Variants in TMTC2 observed in about 807,000 individuals in gnomAD.
TMTC2 encodes the protein transmembrane O-mannosyltransferase targeting cadherins 2.
A neutral mutation model predicts 82.4 loss-of-function variants in TMTC2; 43 were observed. The observed-to-expected ratio is 0.52, with a 90% CI of 0.41 to 0.67. The LOEUF is 0.67. TMTC2 is among the 30% of genes least tolerant of loss of function. TMTC2 has a pLI of 0.00. For synonymous variants in TMTC2, 408 were observed against 381.9 expected, an observed-to-expected ratio of 1.07 and a Z score of -0.80; for missense variants, 919 against 1,012.4, an observed-to-expected ratio of 0.91 and a Z score of 1.25.
At chr12:82,985,748 T>C (rs1481709633) in intron 7 of TMTC2, among the ~76,000 whole-genome samples, 177 bp from the exon 8 acceptor site, 1 of 152,200 alleles carries the variant, frequency 6.6e-6, no homozygotes, top group East Asian at 1.9e-4. Flanking sequence ...TGATTTTTCA[T>C]CTGTAAAATG....
intron 4 of TMTC2, among the ~76,000 whole-genome samples, chr12:82,936,643 C>T (rs543737170): frequency 2.6e-5 from 4 of 152,044 alleles, no homozygotes; most frequent in Non-Finnish European, 5.9e-5. Context: ...AAAAAAATAT[C>T]ATCTCTAGAA....
chr12:82,819,487 T>TTCTC (rs1868950845), intron 1 of TMTC2, among the ~76,000 whole-genome samples: 2 of 149,200 alleles, frequency 1.3e-5, no homozygotes, highest in African/African-American at 5.0e-5. Flanking sequence ...TACTTTTTCT[T>TTCTC]TCTCTCTTTC....
At chr12:82,778,714 T>C (rs1877725203) in intron 1 of TMTC2, among the ~76,000 whole-genome samples, 1 of 150,748 alleles carries the variant, frequency 6.6e-6, no homozygotes, top group Non-Finnish European at 1.5e-5. Flanking sequence ...CCGGGCGTAG[T>C]GGCGGGCGCC....
intron 8 of TMTC2, among the ~76,000 whole-genome samples, chr12:82,988,717 A>C (rs1879277405): frequency 6.6e-6 from 1 of 151,356 alleles, no homozygotes; most frequent in Non-Finnish European, 1.5e-5. Flanking sequence ...TTTTGCTTAC[A>C]CCTTACCTCT....
chr12:82,686,912 C>T lies in TMTC2; in HGVS notation c.-675C>T, dbSNP rs931063699. Reference sequence around the variant, plus strand: ...AGGCGCGGGGGGCCGCGTCGAGAACCCCACGCGGGAGCTTCTGGAGTCTCC... The same window carrying T: ...AGGCGCGGGGGGCCGCGTCGAGAACTCCACGCGGGAGCTTCTGGAGTCTCC... On this transcript the variant is annotated 5_prime_UTR_variant, in exon 1 of 12. Coordinates refer to ENST00000321196, the MANE Select transcript of TMTC2 (RefSeq NM_152588.3). 3.3e-5 allele frequency: 5 copies of T among 153,570 alleles called. No individual in the cohort carries two copies. Among genetic ancestry groups the T allele is most frequent in the Non-Finnish European group, 7.3e-5 (5 of 68,520 alleles). 9.5% of individuals were successfully genotyped at this position (153,570 alleles called of 1,614,324 possible). A position where few individuals can be genotyped will look rare whatever the true frequency, so the allele number is the denominator to read the frequency against.
intron 1 of TMTC2, among the ~76,000 whole-genome samples, chr12:82,792,108 T>G (rs1878498716): frequency 6.6e-6 from 1 of 150,706 alleles, no homozygotes; most frequent in South Asian, 2.1e-4. Flanking sequence ...CAGCCTTGAG[T>G]TAAAATCTGT....
At chr12:83,107,486 A>G (rs1884447839) in intron 11 of TMTC2, among the ~76,000 whole-genome samples, 1 of 152,192 alleles carries the variant, frequency 6.6e-6, no homozygotes, top group African/African-American at 2.4e-5. Context: ...TTAAAAAGCC[A>G]TTAATCCCCT....
At chr12:82,722,396 T>TAA (rs1459480029) in intron 1 of TMTC2, among the ~76,000 whole-genome samples, 34 of 16,252 alleles carry the variant, frequency 2.1e-3, no homozygotes, top group African/African-American at 7.7e-3. Flanking sequence ...CTACTAAAAA[T>TAA]ACAAAAAAAA....
intron 1 of TMTC2, among the ~76,000 whole-genome samples, chr12:82,718,673 A>C (rs1195986774): frequency 3.3e-5 from 5 of 152,194 alleles, no homozygotes; most frequent in African/African-American, 7.2e-5. Context: ...TTTGCCTGCT[A>C]AGAATGAGCA....
chr12:83,033,780 C>A (rs1235128694), intron 9 of TMTC2, among the ~76,000 whole-genome samples: 4 of 145,212 alleles, frequency 2.8e-5, no homozygotes, highest in South Asian at 4.3e-4. Flanking sequence ...AACAAAAAAA[C>A]CATATAAATA....
In TMTC2 at chr12:82,965,690, T is replaced by C. The variant is rs1878167947; in HGVS notation, c.1815T>C (p.Val605=). Residue 605 remains valine (V), a synonymous_variant, in exon 6 of 12, where the codon GTT becomes GTC. Transcript: ENST00000321196. ...ACCCTCATGCACACAAGAGCTCTGT[T>C]ACCAGTTGTTTGTACAACCTAGGAA... ...LKDPHAHKSS[V]TSCLYNLGKL... 6.2e-7 allele frequency: 1 copy of C among 1,613,774 alleles called. No individual in the cohort carries two copies. Among genetic ancestry groups the C allele is most frequent in the South Asian group, 1.1e-5 (1 of 91,084 alleles).
At chr12:83,084,899 A>T (rs1028136035) in intron 11 of TMTC2, among the ~76,000 whole-genome samples, 6 of 152,216 alleles carry the variant, frequency 3.9e-5, no homozygotes, top group Non-Finnish European at 7.3e-5. Context: ...TGGAGGAATA[A>T]TTTTAAAGAT....
chr12:83,012,824 CAG>C (rs1477694067), intron 8 of TMTC2, among the ~76,000 whole-genome samples: 1 of 152,110 alleles, frequency 6.6e-6, no homozygotes, highest in Non-Finnish European at 1.5e-5. Context: ...ACAGGTATAA[CAG>C]AATACAGATA....
chr12:82,856,269 A>G (rs1374357096), intron 1 of TMTC2, among the ~76,000 whole-genome samples: 1 of 152,244 alleles, frequency 6.6e-6, no homozygotes, highest in African/African-American at 2.4e-5. Context: ...AGCACCATGA[A>G]GATTTCTATA....
intron 7 of TMTC2, among the ~76,000 whole-genome samples, chr12:82,984,002 G>A (rs1486985275): frequency 6.6e-6 from 1 of 151,764 alleles, no homozygotes; most frequent in Non-Finnish European, 1.5e-5. Flanking sequence ...CAGCATGTTA[G>A]TTTTTATAGA....
intron 1 of TMTC2, among the ~76,000 whole-genome samples, chr12:82,835,264 A>G (rs928669982): frequency 7.9e-5 from 12 of 152,232 alleles, no homozygotes; most frequent in African/African-American, 2.7e-4. Context: ...CTTTAAGGGT[A>G]TAATATCTAA....
chr12:82,967,573 A>G (rs561735414), intron 7 of TMTC2, among the ~76,000 whole-genome samples: 6 of 152,176 alleles, frequency 3.9e-5, no homozygotes, highest in African/African-American at 7.2e-5. Context: ...TAAAATATCT[A>G]TCATCTGTGA....
chr12:82,718,415 T>A (rs1429243028), intron 1 of TMTC2, among the ~76,000 whole-genome samples: 1 of 152,176 alleles, frequency 6.6e-6, no homozygotes, highest in East Asian at 1.9e-4. Flanking sequence ...CCGTTGTAAA[T>A]CCAGGCAGGG....
chr12:83,131,654 G>C (rs1885258973), intron 11 of TMTC2, among the ~76,000 whole-genome samples: 1 of 152,094 alleles, frequency 6.6e-6, no homozygotes, highest in Non-Finnish European at 1.5e-5. Flanking sequence ...GAACAACTCA[G>C]GTTTGGGAAG....
Sources: allele counts gnomAD v4.1 joint callset (sites outside exome capture counted in the v4.1 genomes callset), GRCh38; gene constraint gnomAD v4.1.1; transcripts MANE v1.5; gene names NCBI Gene and HGNC (gene_info 2026-07-23, HGNC 2026-07-21).